NOL4: variants seen among roughly 807,000 people sequenced by gnomAD.
NOL4 encodes the protein nucleolar protein 4.
NOL4 carries 17 observed loss-of-function variants against 75.9 expected under a neutral mutation model. The ratio of observed to expected loss-of-function variants is 0.22; its 90% CI spans 0.15 to 0.34. The LOEUF (loss-of-function observed/expected upper bound fraction) is 0.34. NOL4 is among the 10% of genes least tolerant of loss of function. The pLI is 1.00. For synonymous variants in NOL4, 292 were observed against 289.9 expected (o/e 1.01, Z -0.07); for missense variants, 614 against 793.5 (o/e 0.77, Z 2.72).
chr18:34,085,267 A>G (rs1226505598), intron 5 of NOL4, among the ~76,000 whole-genome samples: 2 of 152,210 alleles, frequency 1.3e-5, no homozygotes, highest in East Asian at 3.9e-4. Flanking sequence ...ACGGTCTAGC[A>G]TCTGCTATTT....
intron 1 of NOL4, among the ~76,000 whole-genome samples, chr18:34,163,221 G>T (rs2031797137): frequency 6.6e-6 from 1 of 152,114 alleles, no homozygotes; most frequent in Admixed American, 6.5e-5. Context: ...ATTCAACATA[G>T]TGTTGGAAGT....
chr18:34,140,167 C>T (rs1257293851), intron 1 of NOL4, among the ~76,000 whole-genome samples: 1 of 152,062 alleles, frequency 6.6e-6, no homozygotes, highest in Non-Finnish European at 1.5e-5. Context: ...TGATTTGGGG[C>T]AGAGAGTTCT....
At chr18:34,086,699 T>A (rs2145461920) in intron 5 of NOL4, among the ~76,000 whole-genome samples, 1 of 152,240 alleles carries the variant, frequency 6.6e-6, no homozygotes, top group African/African-American at 2.4e-5. Context: ...TACTAAAATT[T>A]TATTCACATA....
chr18:34,135,007 GA>G (rs1316750351), intron 1 of NOL4, among the ~76,000 whole-genome samples: 1 of 151,998 alleles, frequency 6.6e-6, no homozygotes, highest in Non-Finnish European at 1.5e-5. Context: ...TTAGTAACCA[GA>G]AAAAGAGTAA....
At chr18:33,890,062 A>G (rs1052326720) in intron 9 of NOL4, among the ~76,000 whole-genome samples, 1 of 152,112 alleles carries the variant, frequency 6.6e-6, no homozygotes, top group Non-Finnish European at 1.5e-5. Context: ...GAAAGAAATA[A>G]AGCATATTCA....
chr18:33,942,765 G>A (rs561059604), intron 9 of NOL4, among the ~76,000 whole-genome samples: 1 of 151,804 alleles, frequency 6.6e-6, no homozygotes, highest in African/African-American at 2.4e-5. Context: ...CAAAGCTGTT[G>A]GAAATGATCA....
intron 9 of NOL4, among the ~76,000 whole-genome samples, chr18:33,907,349 T>TGAAA (rs1033746838): frequency 6.7e-6 from 1 of 148,888 alleles, no homozygotes; most frequent in African/African-American, 2.5e-5. Flanking sequence ...AAAAAGACCT[T>TGAAA]GAAAGAAATA....
chr18:33,979,053 G>A (rs2071731665), intron 6 of NOL4, among the ~76,000 whole-genome samples: 1 of 151,992 alleles, frequency 6.6e-6, no homozygotes, highest in Admixed American at 6.6e-5. Flanking sequence ...TAGAAACACA[G>A]ACTATTTTAC....
chr18:33,931,949 A>G (rs1379430588), intron 9 of NOL4, among the ~76,000 whole-genome samples: 1 of 151,960 alleles, frequency 6.6e-6, no homozygotes, highest in Admixed American at 6.6e-5. Flanking sequence ...ATATTGTACT[A>G]TGCTTTGTTT....
intron 10 of NOL4, among the ~76,000 whole-genome samples, chr18:33,874,816 C>T (rs1477307028): frequency 6.6e-6 from 1 of 151,990 alleles, no homozygotes; most frequent in African/African-American, 2.4e-5. Flanking sequence ...GCCAGTCACA[C>T]CACTGTAAAC....
At chr18:33,957,852 C>T (rs2069774990) in intron 7 of NOL4, among the ~76,000 whole-genome samples, 1 of 152,144 alleles carries the variant, frequency 6.6e-6, no homozygotes, top group Non-Finnish European at 1.5e-5. Flanking sequence ...ACGACTGTTA[C>T]ATTGCTACAC....
intron 9 of NOL4, among the ~76,000 whole-genome samples, chr18:33,904,693 C>T (rs970530834): frequency 1.3e-4 from 20 of 152,126 alleles, no homozygotes; most frequent in Admixed American, 7.2e-4. Flanking sequence ...CTCATAGATT[C>T]TCCTATAACC....
intron 9 of NOL4, among the ~76,000 whole-genome samples, chr18:33,911,398 A>T (rs1230049044): frequency 6.6e-6 from 1 of 151,694 alleles, no homozygotes; most frequent in Non-Finnish European, 1.5e-5. Flanking sequence ...TCCTAAATTG[A>T]CCCTCTACAA....
chr18:34,008,089 A>G (rs544065248), intron 6 of NOL4, among the ~76,000 whole-genome samples: 7 of 152,148 alleles, frequency 4.6e-5, no homozygotes, highest in South Asian at 2.1e-4. Context: ...TGAGGGCCCA[A>G]ATAAAAGAAA....
In NOL4 at chr18:34,024,194, A is replaced by ATAT. The variant is rs1555696186; in HGVS notation, c.773-4594_773-4593insATA. On this transcript the variant is annotated intron_variant, in intron 5 of 10. Transcript: ENST00000261592. The stretch of plus-strand genomic sequence containing the variant: ...CAAAATAAACAGGAAAAAAAAAAAA[A>ATAT]ATATATATATATATATATATAAAAT... Among the ~76,000 whole-genome samples, 290 of 70,610 alleles carry ATAT rather than the reference A, an allele frequency of 4.1e-3. 11 individuals are homozygous for ATAT. Among genetic ancestry groups the ATAT allele is most frequent in the African/African-American group, 0.013 (240 of 18,934 alleles). The allele number at this position is 70,610 out of a possible 152,430, so 46.3% of individuals were successfully genotyped here. A position where few individuals can be genotyped will look rare whatever the true frequency, so the allele number is the denominator to read the frequency against.
intron 5 of NOL4, among the ~76,000 whole-genome samples, chr18:34,085,047 CAAAA>C (rs968108672): frequency 1.3e-5 from 2 of 151,962 alleles, no homozygotes; most frequent in African/African-American, 4.8e-5. Flanking sequence ...CAAAAATAGA[CAAAA>C]AAGACAGTTG....
intron 1 of NOL4, among the ~76,000 whole-genome samples, chr18:34,205,266 A>G (rs2036041243): frequency 6.6e-6 from 1 of 152,164 alleles, no homozygotes. Context: ...CACACTTTAA[A>G]TGATATAACA....
intron 2 of NOL4, among the ~76,000 whole-genome samples, chr18:34,118,934 A>G (rs1346499888): frequency 6.6e-6 from 1 of 152,198 alleles, no homozygotes; most frequent in African/African-American, 2.4e-5. Context: ...TATTCAGCAA[A>G]TATCTATTGA....
chr18:34,145,819 A>G (rs551332003), intron 1 of NOL4, among the ~76,000 whole-genome samples: 10 of 152,074 alleles, frequency 6.6e-5, no homozygotes, highest in Non-Finnish European at 1.2e-4. Context: ...TTATACCAGC[A>G]ATTCATTTGC....
Sources: gnomAD v4.1 joint callset for allele counts (sites outside exome capture counted in the v4.1 genomes callset) on GRCh38, gnomAD v4.1.1 for gene constraint, MANE v1.5 for transcripts, NCBI Gene and HGNC (gene_info 2026-07-23, HGNC 2026-07-21) for gene names.